Variants in DRC1 observed in about 807,000 individuals in gnomAD.
The protein encoded by DRC1 is dynein regulatory complex subunit 1.
In DRC1, 74 loss-of-function variants were observed where a neutral mutation model predicts 98.7. The observed-to-expected ratio is 0.75, with a 90% confidence interval of 0.62 to 0.91. DRC1 has a LOEUF of 0.91. Ranked by LOEUF, DRC1 falls within the 40% of genes least tolerant of loss-of-function variation. The pLI is 0.00. For missense variants in DRC1, 875 were observed against 886.0 expected (o/e 0.99, Z 0.16); for synonymous variants, 336 against 334.1 (o/e 1.01, Z -0.06).
chr2:26,452,658 CTATT>C (rs1664038418), intron 13 of DRC1, among the ~76,000 whole-genome samples: 1 of 152,126 alleles, frequency 6.6e-6, no homozygotes, highest in African/African-American at 2.4e-5. Flanking sequence ...GTTGAGGAAT[CTATT>C]TAATAATATA....
rs948932373 is a variant in DRC1, at chr2:26,449,998, G to T, written c.1512G>T (p.Gly504=). The T allele has an allele frequency of 8.7e-6, 14 of 1,613,720 alleles. No homozygotes were observed. The highest frequency in any genetic ancestry group is 2.7e-5 in the African/African-American group (2 of 75,034). Residue 504 remains glycine (G), a splice_region_variant and synonymous_variant, in exon 12 of 17, where the codon GGG becomes GGT. Coordinates refer to ENST00000288710, the MANE Select transcript of DRC1 (RefSeq NM_145038.5). The part of the protein sequence containing the change: ...RILMLLCDES[G]FLIESKLLSL... Reference sequence around the variant, plus strand: ...GATGCCTTCTTCCTTCTCCCCAGGGGTTCCTCATAGAGAGCAAGCTGCTGA... The same window carrying T: ...GATGCCTTCTTCCTTCTCCCCAGGGTTTCCTCATAGAGAGCAAGCTGCTGA...
chr2:26,429,974 G>C (rs1405639277), intron 5 of DRC1, among the ~76,000 whole-genome samples: 2 of 152,190 alleles, frequency 1.3e-5, no homozygotes, highest in African/African-American at 4.8e-5. Context: ...CACTGTTCCA[G>C]GGGCCTGGGG....
chr2:26,456,610 C>A lies in DRC1; in HGVS notation c.*93C>A. On this transcript the variant is annotated 3_prime_UTR_variant, in exon 17 of 17. Coordinates refer to ENST00000288710, the MANE Select transcript of DRC1 (RefSeq NM_145038.5). ...TATCACCCACTGGGCCGCACCTGGG[C>A]CTGCTCTCTGGATTTTCCAGGGCTG... is the stretch of plus-strand genomic sequence containing the variant. 1 of 1,487,768 alleles carries A rather than the reference C, an allele frequency of 6.7e-7. No individual in the cohort carries two copies. The highest frequency in any genetic ancestry group is 9.3e-7 in the Non-Finnish European group (1 of 1,073,976). 92.2% of individuals were successfully genotyped at this position (1,487,768 alleles called of 1,614,324 possible). A position where few individuals can be genotyped will look rare whatever the true frequency, so the allele number is the denominator to read the frequency against.
rs575231913 is a variant in DRC1 at position 26,454,543 on chromosome 2, T to C, written c.1920-104T>C. The C allele has an allele frequency of 2.7e-6, 4 of 1,505,104 alleles. No homozygotes were observed. The highest frequency in any genetic ancestry group is 3.8e-5 in the Admixed American group (2 of 53,314). 93.2% of individuals were successfully genotyped at this position (1,505,104 alleles called of 1,614,324 possible). On this transcript the variant is annotated intron_variant, in intron 14 of 16. Transcript: ENST00000288710. The surrounding 1 kb of genome is among the most constrained non-coding windows in gnomAD (Gnocchi z 5.2). ...CGTCTAATAAACTTGGACTGCTGAG[T>C]GGGAAGGTGACAGGTGGGAAAGCAG...
intron 7 of DRC1, among the ~76,000 whole-genome samples, chr2:26,440,173 C>T (rs1433102036): frequency 2.6e-5 from 4 of 151,078 alleles, no homozygotes; most frequent in African/African-American, 7.3e-5. Context: ...TATGGCTATG[C>T]ATAGCTAGGT....
At chr2:26,428,813 C>A (rs1307480363) in intron 4 of DRC1, among the ~76,000 whole-genome samples, 1 of 151,972 alleles carries the variant, frequency 6.6e-6, no homozygotes, top group Admixed American at 6.6e-5. Flanking sequence ...AAAAAAATAC[C>A]GTATTATAAT....
intron 7 of DRC1, among the ~76,000 whole-genome samples, chr2:26,432,605 A>AAAGG (rs1553341893): frequency 6.6e-6 from 1 of 151,208 alleles, no homozygotes; most frequent in Non-Finnish European, 1.5e-5. Context: ...GAAAGAAAAA[A>AAAGG]AAAGAAAGGA....
intron 13 of DRC1, among the ~76,000 whole-genome samples, chr2:26,452,368 G>A (rs913830006): frequency 3.9e-5 from 6 of 152,146 alleles, no homozygotes; most frequent in African/African-American, 1.4e-4. Flanking sequence ...CCATTCTCCT[G>A]CCTCAGCCTC....
intron 2 of DRC1, among the ~76,000 whole-genome samples, chr2:26,415,135 G>T (rs555158484): frequency 6.6e-6 from 1 of 152,258 alleles, no homozygotes; most frequent in South Asian, 2.1e-4. Flanking sequence ...GTAGTGCGTA[G>T]CTTGTACTCA....
chr2:26,444,584 A>G, intron 9 of DRC1, 132 bp from the exon 10 acceptor site: 1 of 1,055,048 alleles, frequency 9.5e-7, no homozygotes, highest in Non-Finnish European at 1.3e-6. Flanking sequence ...AGTGGGAATC[A>G]GCCGCCCAGG....
chr2:26,436,165 C>T (rs1438235301), intron 7 of DRC1, among the ~76,000 whole-genome samples: 1 of 151,548 alleles, frequency 6.6e-6, no homozygotes, highest in Non-Finnish European at 1.5e-5. Flanking sequence ...GCCATTCTGA[C>T]TGGTGTGAGA....
At chr2:26,411,472 T>A (rs555049566) in intron 1 of DRC1, among the ~76,000 whole-genome samples, 56 of 152,348 alleles carry the variant, frequency 3.7e-4, no homozygotes, top group African/African-American at 1.2e-3. Flanking sequence ...TTTCAAGTGC[T>A]TTATAGCCAC....
rs1348998638 is a variant in DRC1, at chr2:26,424,296, A to G, written c.382A>G (p.Lys128Glu). The stretch of plus-strand genomic sequence containing the variant: ...GATTGAGAAGCTGGAGAATGAAGTT[A>G]AGACCAGCCAGGACAAATTCGATGA... ...QRIEKLENEVKTSQDKFDEIT... is the reference protein window; with the variant it reads ...QRIEKLENEVETSQDKFDEIT... Residue 128 changes from lysine (K) to glutamate (E), a missense_variant, in exon 4 of 17, where the codon AAG becomes GAG. Coordinates refer to ENST00000288710, the MANE Select transcript of DRC1 (RefSeq NM_145038.5). 4 of 1,613,876 alleles carry G rather than the reference A, an allele frequency of 2.5e-6. No individual in the cohort carries two copies. Among genetic ancestry groups the G allele is most frequent in the Non-Finnish European group, 3.4e-6 (4 of 1,180,014 alleles).
chr2:26,445,315 C>T (rs1009063773), intron 10 of DRC1, among the ~76,000 whole-genome samples: 6 of 152,130 alleles, frequency 3.9e-5, no homozygotes, highest in Admixed American at 3.3e-4. Context: ...ATGTTAGATT[C>T]TGTTCTTGTG....
rs534463592 is a variant in DRC1, at chr2:26,435,809, A to G, written c.888+3803A>G. ...ATGATGTTGTTCTTTTTATGGCTGC[A>G]TAATATTCCATGGTGTATACGTACC... On this transcript the variant is annotated intron_variant, in intron 7 of 16. Transcript: ENST00000288710. Among the ~76,000 whole-genome samples, 224 of 151,690 alleles carry G rather than the reference A, an allele frequency of 1.5e-3. 1 individual carries two copies. The highest frequency in any genetic ancestry group is 5.2e-3 in the African/African-American group (215 of 41,274).
In DRC1 at chr2:26,456,560, T is replaced by C; in HGVS notation, c.*43T>C. ...TGATGTGTTAGGGCTGGCCTGATGC[T>C]GGTGTCTGTGCCGGAGCCAGCTCAT... On this transcript the variant is annotated 3_prime_UTR_variant, in exon 17 of 17. Coordinates refer to ENST00000288710, the MANE Select transcript of DRC1 (RefSeq NM_145038.5). 6.2e-7 allele frequency: 1 copy of C among 1,611,570 alleles called. No homozygotes were observed. The highest frequency in any genetic ancestry group is 2.2e-5 in the East Asian group (1 of 44,816).
In DRC1 at chr2:26,450,467, C is replaced by T. The variant is rs1016416956; in HGVS notation, c.1600-125C>T. On this transcript the variant is annotated intron_variant, in intron 12 of 16. Transcript: ENST00000288710. ...TGTCCCCAAGTTCACAGTCGCTTCC[C>T]AGCGTTGGATGAATGCCCTCCACAA... is the stretch of plus-strand genomic sequence containing the variant. 5.1e-6 allele frequency: 4 copies of T among 783,414 alleles called. No individual in the cohort carries two copies. The Admixed American group carries it at 7.2e-5, about 14-fold the overall frequency. 48.5% of individuals were successfully genotyped at this position (783,414 alleles called of 1,614,324 possible). A position where few individuals can be genotyped will look rare whatever the true frequency, so the allele number is the denominator to read the frequency against.
chr2:26,445,799 C>T (rs1238299670), intron 10 of DRC1, among the ~76,000 whole-genome samples: 1 of 151,692 alleles, frequency 6.6e-6, no homozygotes. Flanking sequence ...GCTGGGACTA[C>T]AGGTGCGCAC....
intron 7 of DRC1, among the ~76,000 whole-genome samples, chr2:26,438,251 G>A (rs915117884): frequency 2.0e-5 from 3 of 152,082 alleles, no homozygotes; most frequent in East Asian, 1.9e-4. Context: ...AGGGAAACAC[G>A]CCAACATTAA....
Sources: gnomAD v4.1 joint callset for allele counts (sites outside exome capture counted in the v4.1 genomes callset) on GRCh38, gnomAD v4.1.1 for gene constraint, Gnocchi (gnomAD v3.1) non-coding constraint, MANE v1.5 for transcripts, NCBI Gene and HGNC (gene_info 2026-07-23, HGNC 2026-07-21) for gene names.